The following UVRAG variants were observed in gnomAD, a reference collection of about 807,000 sequenced individuals.
The protein encoded by UVRAG is UV radiation resistance associated.
A neutral mutation model predicts 78.0 loss-of-function variants in UVRAG; 19 were observed. That is an observed-to-expected ratio of 0.24 (90% CI 0.17 to 0.36). The LOEUF (loss-of-function observed/expected upper bound fraction) is 0.36. Ranked by LOEUF, UVRAG falls within the 10% of genes least tolerant of loss-of-function variation. The pLI is 1.00. For missense variants in UVRAG, 740 were observed against 853.8 expected (o/e 0.87, Z 1.66); for synonymous variants, 323 against 324.6 (o/e 1.00, Z 0.05).
rs1591279085 is a variant in UVRAG, at chr11:76,140,645, G to A, written c.1398-66G>A. 35 of 1,444,202 alleles carry A rather than the reference G, an allele frequency of 2.4e-5. No individual in the cohort carries two copies. In the East Asian group the frequency reaches 7.8e-4, roughly 32 times the overall value. The allele number at this position is 1,444,202 out of a possible 1,614,324, so 89.5% of individuals were successfully genotyped here. A position where few individuals can be genotyped will look rare whatever the true frequency, so the allele number is the denominator to read the frequency against. On this transcript the variant is annotated intron_variant, in intron 14 of 14. Transcript: ENST00000356136. Reference sequence around the variant, plus strand: ...CCTAAGTATGCTGTTCCCTGTCTCTGGATCCAGAAGGCTTACACTGAGTTC... The same window carrying A: ...CCTAAGTATGCTGTTCCCTGTCTCTAGATCCAGAAGGCTTACACTGAGTTC...
chr11:75,914,927 G>A (rs1947818062), intron 6 of UVRAG, among the ~76,000 whole-genome samples: 1 of 152,100 alleles, frequency 6.6e-6, no homozygotes, highest in Admixed American at 6.5e-5. Flanking sequence ...ACTAAGGCAA[G>A]GACTTTGGAG....
chr11:76,099,580 G>T lies in UVRAG; in HGVS notation c.1306-16344G>T, dbSNP rs558425899. Among the ~76,000 whole-genome samples the T allele has an allele frequency of 2.1e-4, 32 of 152,216 alleles. No individual in the cohort carries two copies. In the South Asian group the frequency reaches 6.0e-3, roughly 29 times the overall value. On this transcript the variant is annotated intron_variant, in intron 13 of 14. Coordinates refer to ENST00000356136, the MANE Select transcript of UVRAG (RefSeq NM_003369.4). ...TTTGTAGAGAAATGTCATCTTTATA[G>T]TAACAGGTCTTCCTATTCAAGAATA...
intron 1 of UVRAG, 98 bp downstream of exon 1, chr11:75,815,622 G>C (rs1265593954): frequency 1.3e-6 from 1 of 742,394 alleles, no homozygotes; most frequent in Non-Finnish European, 1.8e-6. Context: ...GGGACACCCA[G>C]AGCAGGGACC....
At chr11:76,062,020 C>G (rs1951104252) in intron 12 of UVRAG, among the ~76,000 whole-genome samples, 1 of 152,058 alleles carries the variant, frequency 6.6e-6, no homozygotes, top group Non-Finnish European at 1.5e-5. Flanking sequence ...TTCTGGAGGC[C>G]AGAAGTCCAA....
At chr11:75,865,863 C>T (rs1253643620) in intron 3 of UVRAG, among the ~76,000 whole-genome samples, 1 of 152,176 alleles carries the variant, frequency 6.6e-6, no homozygotes, top group Non-Finnish European at 1.5e-5. Flanking sequence ...GATCTGCCCA[C>T]CTCAGCTTCC....
At chr11:75,967,902 T>C (rs1161067327) in intron 7 of UVRAG, among the ~76,000 whole-genome samples, 1 of 152,206 alleles carries the variant, frequency 6.6e-6, no homozygotes, top group Non-Finnish European at 1.5e-5. Flanking sequence ...CTTACAAGAC[T>C]CTGTAAAGAT....
intron 5 of UVRAG, among the ~76,000 whole-genome samples, chr11:75,907,158 T>C (rs1160687780): frequency 2.6e-5 from 4 of 152,212 alleles, no homozygotes; most frequent in Non-Finnish European, 4.4e-5. Flanking sequence ...GAACATGGGA[T>C]GCCATTTTAT....
At chr11:75,977,066 G>A (rs1949259530) in intron 7 of UVRAG, among the ~76,000 whole-genome samples, 1 of 152,146 alleles carries the variant, frequency 6.6e-6, no homozygotes, top group South Asian at 2.1e-4. Flanking sequence ...CTGGTATGTT[G>A]TGTCTTTGTT....
intron 2 of UVRAG, among the ~76,000 whole-genome samples, chr11:75,852,395 A>T (rs1319518035): frequency 6.6e-6 from 1 of 152,136 alleles, no homozygotes; most frequent in Non-Finnish European, 1.5e-5. Flanking sequence ...CCCTGTATAT[A>T]TGGGATCTTT....
intron 3 of UVRAG, among the ~76,000 whole-genome samples, chr11:75,875,561 G>C (rs1946752846): frequency 6.8e-6 from 1 of 148,024 alleles, no homozygotes; most frequent in Non-Finnish European, 1.5e-5. Flanking sequence ...TCTCTCTCTG[G>C]ACTGCTTGCT....
intron 6 of UVRAG, among the ~76,000 whole-genome samples, chr11:75,922,307 G>A (rs879677851): frequency 2.0e-5 from 3 of 151,902 alleles, no homozygotes; most frequent in Non-Finnish European, 4.4e-5. Context: ...ACAGTATTTT[G>A]TATAAAATAG....
intron 2 of UVRAG, among the ~76,000 whole-genome samples, chr11:75,859,820 C>T (rs920588737): frequency 1.3e-5 from 2 of 152,188 alleles, no homozygotes; most frequent in African/African-American, 4.8e-5. Context: ...TCATACTCAG[C>T]AATTTCTTTC....
At position 76,083,754 on chromosome 11, in the gene UVRAG, C is replaced by T. The variant is rs887251132; in HGVS notation, c.1305+17966C>T. On this transcript the variant is annotated intron_variant, in intron 13 of 14. Coordinates refer to ENST00000356136, the MANE Select transcript of UVRAG (RefSeq NM_003369.4). ...AAGATTCTTCTGAAAGGCTTGTGAA[C>T]CTTTGCCTTCTTTTAATAAGCCTTC... Among the ~76,000 whole-genome samples the T allele has an allele frequency of 6.6e-5, 10 of 152,236 alleles. No homozygotes were observed. The East Asian group carries it at 1.7e-3, about 26-fold the overall frequency.
chr11:75,963,750 G>GT (rs1399321705), intron 7 of UVRAG, among the ~76,000 whole-genome samples: 4 of 151,570 alleles, frequency 2.6e-5, no homozygotes, highest in East Asian at 3.9e-4. Context: ...AATGCCTAAT[G>GT]TTTTTTGGCA....
At chr11:75,828,428 G>A (rs1482762458) in intron 1 of UVRAG, among the ~76,000 whole-genome samples, 2 of 141,518 alleles carry the variant, frequency 1.4e-5, no homozygotes, top group African/African-American at 5.5e-5. Context: ...AGGCAATATA[G>A]TGAGACCCCC....
intron 2 of UVRAG, among the ~76,000 whole-genome samples, chr11:75,859,513 A>G (rs1190699508): frequency 2.0e-5 from 3 of 151,858 alleles, no homozygotes; most frequent in South Asian, 4.1e-4. Flanking sequence ...AAACTTAAAC[A>G]ATAACAATAA....
chr11:76,064,487 A>T (rs1271972198), intron 12 of UVRAG, among the ~76,000 whole-genome samples: 1 of 152,156 alleles, frequency 6.6e-6, no homozygotes, highest in Non-Finnish European at 1.5e-5. Context: ...CACATGTCCT[A>T]GTTTATTTTT....
chr11:76,138,261 A>G (rs2134512960), intron 14 of UVRAG, among the ~76,000 whole-genome samples: 1 of 152,362 alleles, frequency 6.6e-6, no homozygotes, highest in South Asian at 2.1e-4. Context: ...CTCTGGAGTC[A>G]GACAGAATCT....
intron 6 of UVRAG, among the ~76,000 whole-genome samples, chr11:75,958,685 T>C (rs765692670): frequency 6.6e-6 from 1 of 152,230 alleles, no homozygotes; most frequent in South Asian, 2.1e-4. Context: ...TCTACTCCCA[T>C]GAATCATGAA....
Sources: gnomAD v4.1 joint callset for allele counts (sites outside exome capture counted in the v4.1 genomes callset) on GRCh38, gnomAD v4.1.1 for gene constraint, MANE v1.5 for transcripts, NCBI Gene and HGNC (gene_info 2026-07-23, HGNC 2026-07-21) for gene names.